The following SETD5 variants were observed in gnomAD, a reference collection of about 807,000 sequenced individuals.
SETD5 encodes SET domain containing 5.
In SETD5, 44 loss-of-function variants were observed where a neutral mutation model predicts 153.3. That is an observed-to-expected ratio of 0.29 (90% CI 0.23 to 0.37). SETD5 has a LOEUF of 0.37. Ranked by LOEUF, SETD5 falls within the 10% of genes least tolerant of loss-of-function variation. The pLI is 1.00. For missense variants in SETD5, 1,544 were observed against 1,768.0 expected, an observed-to-expected ratio of 0.87 and a Z score of 2.27; for synonymous variants, 716 against 645.2, an observed-to-expected ratio of 1.11 and a Z score of -1.66.
chr3:9,399,046 G>A (rs1298550993), intron 1 of SETD5, among the ~76,000 whole-genome samples: 1 of 152,132 alleles, frequency 6.6e-6, no homozygotes, highest in African/African-American at 2.4e-5. Flanking sequence ...CTATATTTAA[G>A]TTCATTTCTC....
At position 9,453,767 on chromosome 3, in the gene SETD5, G is replaced by C. The variant is rs770493272; in HGVS notation, c.2375G>C (p.Gly792Ala). 6.2e-7 allele frequency: 1 copy of C among 1,603,450 alleles called. No individual in the cohort carries two copies. Among genetic ancestry groups the C allele is most frequent in the East Asian group, 2.2e-5 (1 of 44,612 alleles). The change falls in exon 17 of 23, where the codon GGG becomes GCG. Residue 792 changes from glycine to alanine, a missense_variant. Around this residue, in one of 9 missense-constraint regions of SETD5, gnomAD observed 782 missense variants for 787.2 expected, o/e 0.99. Transcript: ENST00000402198. ...TGGATAAAACAAGCCTTAGAAGAAG[G>C]GATGACTCAAACATCATCTGTACCC... is the stretch of plus-strand genomic sequence containing the variant. ...KRWIKQALEE[G>A]MTQTSSVPQE...
chr3:9,413,649 GGTGT>G (rs1160123997), intron 1 of SETD5, among the ~76,000 whole-genome samples: 3,108 of 140,296 alleles, frequency 0.022, 46 homozygotes, highest in African/African-American at 0.028. Context: ...GGGGAGGCGG[GGTGT>G]GTGTGTGTGT....
chr3:9,430,308 A>G, intron 3 of SETD5: 3 of 983,128 alleles, frequency 3.1e-6, no homozygotes, highest in Non-Finnish European at 3.6e-6. Context: ...GAAATAGTAT[A>G]TAATATTCTG....
chr3:9,476,728 C>T lies in SETD5; in HGVS notation c.*637C>T, dbSNP rs2045875065. 6.6e-6 allele frequency: 1 copy of T among 152,572 alleles called. No homozygotes were observed. 9.5% of individuals were successfully genotyped at this position (152,572 alleles called of 1,614,324 possible). A position where few individuals can be genotyped will look rare whatever the true frequency, so the allele number is the denominator to read the frequency against. On this transcript the variant is annotated 3_prime_UTR_variant, in exon 23 of 23. Coordinates refer to ENST00000402198, the MANE Select transcript of SETD5 (RefSeq NM_001080517.3). The stretch of plus-strand genomic sequence containing the variant: ...TGCACCAACTGGAGGGTGCCTGGCT[C>T]TTTGAAGAAAAGCTCATGGTCAGCT...
At chr3:9,458,843 CAAAG>C (rs1269890324) in intron 17 of SETD5, among the ~76,000 whole-genome samples, 2 of 152,006 alleles carry the variant, frequency 1.3e-5, no homozygotes, top group East Asian at 1.9e-4. Context: ...CAGAAATAGA[CAAAG>C]AAACCAAAAT....
At chr3:9,425,743 T>G (rs569261672) in intron 2 of SETD5, among the ~76,000 whole-genome samples, 5 of 152,200 alleles carry the variant, frequency 3.3e-5, no homozygotes, top group Non-Finnish European at 5.9e-5. Context: ...GCCCAGCTAA[T>G]TTTTGTATTT....
chr3:9,466,163 C>T (rs1041637128), intron 18 of SETD5, among the ~76,000 whole-genome samples: 1 of 151,794 alleles, frequency 6.6e-6, no homozygotes, highest in Non-Finnish European at 1.5e-5. Flanking sequence ...TAGTGGGCGC[C>T]TGTAGTCCCA....
chr3:9,433,315 G>A, intron 3 of SETD5: 1 of 1,194,942 alleles, frequency 8.4e-7, no homozygotes, highest in East Asian at 5.8e-5. Context: ...GGTTCATCAA[G>A]ATGAGAGGTA....
intron 17 of SETD5, among the ~76,000 whole-genome samples, chr3:9,457,147 C>G (rs572515327): frequency 2.6e-5 from 4 of 152,246 alleles, no homozygotes; most frequent in Admixed American, 6.5e-5. Flanking sequence ...TGATGTGGGT[C>G]TATTCTTAGA....
At chr3:9,446,961 T>C (rs1575465358) in intron 13 of SETD5, 89 bp from the exon 14 acceptor site, 2 of 912,920 alleles carry the variant, frequency 2.2e-6, no homozygotes, top group East Asian at 2.7e-5. Flanking sequence ...AATGAATTTC[T>C]GTAAATTTCC....
At chr3:9,438,125 A>C (rs543916878) in intron 7 of SETD5, among the ~76,000 whole-genome samples, 2 of 152,344 alleles carry the variant, frequency 1.3e-5, no homozygotes, top group South Asian at 4.1e-4. Flanking sequence ...GGCCCCACTT[A>C]GTATCTATCT....
chr3:9,475,030 A>G, intron 21 of SETD5, 38 bp from the exon 22 acceptor site: 1 of 1,527,356 alleles, frequency 6.5e-7, no homozygotes, highest in South Asian at 1.2e-5. Context: ...TATTCTAAGA[A>G]GCCAAGTTGA....
chr3:9,456,694 G>T (rs939212923), intron 17 of SETD5, among the ~76,000 whole-genome samples: 9 of 151,964 alleles, frequency 5.9e-5, no homozygotes, highest in African/African-American at 1.7e-4. Context: ...AAAGATTCTG[G>T]CTGGGTGTGA....
At chr3:9,421,738 T>C (rs895101270) in intron 1 of SETD5, among the ~76,000 whole-genome samples, 1 of 152,220 alleles carries the variant, frequency 6.6e-6, no homozygotes, top group Non-Finnish European at 1.5e-5. Context: ...TTTTGAAATA[T>C]TCCCAAAAAG....
chr3:9,445,870 G>T, intron 13 of SETD5, 130 bp downstream of exon 13: 3 of 406,336 alleles, frequency 7.4e-6, no homozygotes, highest in Non-Finnish European at 8.5e-6. Context: ...GGCTTTTTCC[G>T]TAATAAAGAT....
At chr3:9,432,981 C>T (rs2040147080) in intron 3 of SETD5, among the ~76,000 whole-genome samples, 1 of 152,200 alleles carries the variant, frequency 6.6e-6, no homozygotes, top group Non-Finnish European at 1.5e-5. Flanking sequence ...TTAGCTGTGT[C>T]AGTGTGTAAC....
Position 9,473,445 on chromosome 3 carries a change from C to T in SETD5, c.3405C>T (p.Ser1135=), listed in dbSNP as rs751215880. ...ACAAAAAATTCTCCCCATCTCATTC[C>T]TCTATGTCCCATTTGGAGGCGGTAA... ...SPHKKFSPSH[S]SMSHLEAVSP... The change falls in exon 20 of 23, where the codon TCC becomes TCT. Residue 1135 remains serine, a synonymous_variant. Transcript: ENST00000402198. 6.2e-7 allele frequency: 1 copy of T among 1,613,940 alleles called. No homozygotes were observed. Among genetic ancestry groups the T allele is most frequent in the Non-Finnish European group, 8.5e-7 (1 of 1,179,874 alleles).
At chr3:9,404,757 C>T (rs1381925654) in intron 1 of SETD5, among the ~76,000 whole-genome samples, 1 of 152,160 alleles carries the variant, frequency 6.6e-6, no homozygotes, top group Non-Finnish European at 1.5e-5. Flanking sequence ...TTGCTAGAGG[C>T]TCTAAGAAGT....
intron 2 of SETD5, among the ~76,000 whole-genome samples, chr3:9,425,055 CT>C (rs778883904): frequency 0.024 from 1,977 of 83,610 alleles, 10 homozygotes; most frequent in South Asian, 0.039. Flanking sequence ...GACAATGTTT[CT>C]TTTTTTTTTT....
Sources: allele counts gnomAD v4.1 joint callset (sites outside exome capture counted in the v4.1 genomes callset), GRCh38; gene constraint gnomAD v4.1.1; regional missense constraint gnomAD v4.1.1; transcripts MANE v1.5; gene names NCBI Gene and HGNC (gene_info 2026-07-23, HGNC 2026-07-21).